Variants in TTC27 observed in about 807,000 individuals in gnomAD.
TTC27 encodes the protein tetratricopeptide repeat protein 27.
In TTC27, 79 loss-of-function variants were observed where a neutral mutation model predicts 115.9. The ratio of observed to expected loss-of-function variants is 0.68; its 90% CI spans 0.57 to 0.82. TTC27 has a LOEUF of 0.82. TTC27 is among the 40% of genes least tolerant of loss of function. The pLI, the probability that TTC27 is intolerant of heterozygous loss-of-function variation, is 0.00. For missense variants in TTC27, 1,054 were observed against 993.1 expected, an observed-to-expected ratio of 1.06 and a Z score of -0.82; for synonymous variants, 401 against 356.0, an observed-to-expected ratio of 1.13 and a Z score of -1.42.
At chr2:32,760,436 C>T (rs1334905769) in intron 13 of TTC27, among the ~76,000 whole-genome samples, 1 of 152,094 alleles carries the variant, frequency 6.6e-6, no homozygotes, top group East Asian at 1.9e-4. Flanking sequence ...GTGCTACTGA[C>T]ATCGAGTGGG....
chr2:32,763,947 C>T (rs770597396), intron 13 of TTC27, among the ~76,000 whole-genome samples: 37 of 152,292 alleles, frequency 2.4e-4, no homozygotes, highest in Non-Finnish European at 4.7e-4. Flanking sequence ...TTAAAATATA[C>T]ATTCTTATTC....
chr2:32,789,266 G>A lies in TTC27; in HGVS notation c.1998+2117G>A, dbSNP rs1670449705. Among the ~76,000 whole-genome samples the A allele has an allele frequency of 2.6e-5, 4 of 152,302 alleles. 1 individual carries two copies. The South Asian group carries it at 8.3e-4, about 32-fold the overall frequency. On this transcript the variant is annotated intron_variant, in intron 16 of 19. Coordinates refer to ENST00000317907, the MANE Select transcript of TTC27 (RefSeq NM_017735.5). ...TTCTAAAAGAAAGGCAAGAAAAAGT[G>A]AAGCAGAAGTGGTTACAATAGCTGA...
intron 12 of TTC27, 99 bp downstream of exon 12, chr2:32,736,915 C>T: frequency 7.1e-7 from 1 of 1,400,902 alleles, no homozygotes; most frequent in Non-Finnish European, 9.5e-7. Flanking sequence ...CCAATATTCA[C>T]TTATATTCCT....
Position 32,733,915 on chromosome 2 carries a change from G to T in TTC27, c.1321G>T (p.Ala441Ser), listed in dbSNP as rs149376571. 5.3e-5 allele frequency: 86 copies of T among 1,608,818 alleles called. No homozygotes were observed. The African/African-American group carries it at 1.1e-3, about 20-fold the overall frequency. The change falls in exon 11 of 20, where the codon GCC becomes TCC. Residue 441 changes from alanine to serine, a missense_variant. By Grantham distance (99) the Ala-to-Ser change is moderately conservative. Transcript: ENST00000317907. ...TTGCTGTCAAGTACCACCTCACTGG[G>T]CCATTCAGGTATTTCTGTTGTTTGT... ...FYCCQVPPHW[A>S]IQRQLASLLF...
chr2:32,736,620 G>A (rs1000136803), intron 11 of TTC27, 74 bp from the exon 12 acceptor site: 120 of 1,569,124 alleles, frequency 7.6e-5, no homozygotes, highest in Non-Finnish European at 9.8e-5. Flanking sequence ...AGGCAGATTA[G>A]GTACACCTGC....
intron 10 of TTC27, among the ~76,000 whole-genome samples, chr2:32,718,165 A>G (rs1478501419): frequency 6.6e-6 from 1 of 152,272 alleles, no homozygotes; most frequent in Non-Finnish European, 1.5e-5. Context: ...ACTTTAATTA[A>G]TTATACTTTT....
intron 10 of TTC27, among the ~76,000 whole-genome samples, chr2:32,705,844 T>C (rs145458902): frequency 7.4e-4 from 113 of 152,180 alleles, no homozygotes; most frequent in Non-Finnish European, 1.0e-3. Context: ...GGGAGCCACC[T>C]ACTATTTATT....
chr2:32,702,069 T>C (rs1398176610), intron 9 of TTC27, among the ~76,000 whole-genome samples: 6 of 151,668 alleles, frequency 4.0e-5, no homozygotes, highest in South Asian at 4.2e-4. Flanking sequence ...ACCCACATCC[T>C]GCTCTCAGAG....
intron 5 of TTC27, among the ~76,000 whole-genome samples, chr2:32,656,855 A>G (rs966335602): frequency 6.6e-6 from 1 of 152,142 alleles, no homozygotes; most frequent in Non-Finnish European, 1.5e-5. Context: ...TTTATAATCA[A>G]ACTAACTGCA....
intron 13 of TTC27, among the ~76,000 whole-genome samples, chr2:32,775,957 G>C (rs1253169866): frequency 6.6e-6 from 1 of 152,150 alleles, no homozygotes; most frequent in Admixed American, 6.5e-5. Context: ...TTGGTGCATT[G>C]AAGCTCTTTT....
chr2:32,712,796 C>G (rs956362323), intron 10 of TTC27, among the ~76,000 whole-genome samples: 2 of 152,168 alleles, frequency 1.3e-5, no homozygotes, highest in African/African-American at 4.8e-5. Context: ...ATTCACCTTC[C>G]TTCGCCTCCC....
At chr2:32,667,405 C>T (rs1466289679) in intron 7 of TTC27, among the ~76,000 whole-genome samples, 1 of 151,114 alleles carries the variant, frequency 6.6e-6, no homozygotes, top group East Asian at 2.0e-4. Flanking sequence ...TCCCAGAAAC[C>T]CCCAACTACT....
At chr2:32,750,373 A>G (rs1191281259) in intron 12 of TTC27, among the ~76,000 whole-genome samples, 1 of 152,208 alleles carries the variant, frequency 6.6e-6, no homozygotes, top group Non-Finnish European at 1.5e-5. Context: ...GTTTGTTACC[A>G]TATTAGACCA....
At chr2:32,688,365 G>A (rs1666703631) in intron 9 of TTC27, among the ~76,000 whole-genome samples, 1 of 152,066 alleles carries the variant, frequency 6.6e-6, no homozygotes, top group Admixed American at 6.5e-5. Flanking sequence ...ATTGGGTAGT[G>A]AAGAAATTTT....
intron 6 of TTC27, among the ~76,000 whole-genome samples, chr2:32,665,467 G>GGT (rs544702762): frequency 7.6e-4 from 115 of 152,078 alleles, no homozygotes; most frequent in East Asian, 3.1e-3. Flanking sequence ...CTTAATTGTT[G>GGT]GTATATTTAC....
At chr2:32,642,497 C>T (rs929175340) in intron 4 of TTC27, among the ~76,000 whole-genome samples, 17 of 152,080 alleles carry the variant, frequency 1.1e-4, no homozygotes, top group Admixed American at 6.6e-4. Context: ...AGGTAACCTG[C>T]CTGCCTTGGC....
At chr2:32,812,653 G>C (rs1196242851) in intron 18 of TTC27, 38 bp downstream of exon 18, 2 of 1,499,550 alleles carry the variant, frequency 1.3e-6, no homozygotes, top group Admixed American at 3.4e-5. Context: ...GGAATGTTTT[G>C]ACTTATTTTC....
intron 9 of TTC27, among the ~76,000 whole-genome samples, chr2:32,682,482 T>G (rs1035147226): frequency 1.3e-5 from 2 of 152,132 alleles, no homozygotes; most frequent in Admixed American, 6.6e-5. Flanking sequence ...GGATAAGATC[T>G]GCTTGGAATT....
intron 12 of TTC27, among the ~76,000 whole-genome samples, chr2:32,743,495 T>C (rs185656518): frequency 6.6e-6 from 1 of 152,266 alleles, no homozygotes; most frequent in East Asian, 1.9e-4. Flanking sequence ...TATAACAACT[T>C]GCAGAAAAAC....
Sources: allele counts gnomAD v4.1 joint callset (sites outside exome capture counted in the v4.1 genomes callset), GRCh38; gene constraint gnomAD v4.1.1; transcripts MANE v1.5; gene names NCBI Gene and HGNC (gene_info 2026-07-23, HGNC 2026-07-21).